The following LEKR1 variants were observed in gnomAD, a reference collection of about 807,000 sequenced individuals.
LEKR1 encodes leucine, glutamate and lysine rich 1.
LEKR1 carries 59 observed loss-of-function variants against 72.4 expected under a neutral mutation model. The ratio of observed to expected loss-of-function variants is 0.82; its 90% CI spans 0.66 to 1.01. LEKR1 has a LOEUF of 1.01. Among genes scored for constraint, LEKR1 ranks in the 50% least tolerant of loss-of-function variants. The pLI is 0.00. For missense variants in LEKR1, 728 were observed against 759.2 expected, an observed-to-expected ratio of 0.96 and a Z score of 0.48; for synonymous variants, 257 against 263.2, an observed-to-expected ratio of 0.98 and a Z score of 0.23.
intron 3 of LEKR1, among the ~76,000 whole-genome samples, chr3:156,858,217 G>A (rs1716307171): frequency 6.6e-6 from 1 of 152,064 alleles, no homozygotes; most frequent in Non-Finnish European, 1.5e-5. Context: ...CTTTCCTTGA[G>A]TAGTTTATTT....
chr3:156,881,248 AC>A (rs1321778955), intron 3 of LEKR1, among the ~76,000 whole-genome samples: 5 of 151,928 alleles, frequency 3.3e-5, no homozygotes, highest in Non-Finnish European at 7.4e-5. Context: ...TATCTAGAAA[AC>A]CCCATTGTCT....
At chr3:156,943,527 G>C (rs376185905) in intron 6 of LEKR1, among the ~76,000 whole-genome samples, 213 of 151,980 alleles carry the variant, frequency 1.4e-3, no homozygotes, top group African/African-American at 4.8e-3. Context: ...CTGGTACTAC[G>C]TTCCTAGTAA....
intron 3 of LEKR1, among the ~76,000 whole-genome samples, chr3:156,911,079 A>T (rs1020385685): frequency 6.6e-6 from 1 of 152,054 alleles, no homozygotes; most frequent in Non-Finnish European, 1.5e-5. Flanking sequence ...CATTCCTCTA[A>T]CGACTAGAGA....
intron 3 of LEKR1, among the ~76,000 whole-genome samples, chr3:156,903,996 T>TC (rs2108564805): frequency 6.6e-6 from 1 of 152,288 alleles, no homozygotes; most frequent in African/African-American, 2.4e-5. Context: ...AAGGGTTAAT[T>TC]CCCCACAGAA....
In LEKR1 at chr3:156,916,609, T is replaced by C. The variant is rs191960118; in HGVS notation, c.264-3966T>C. On this transcript the variant is annotated intron_variant, in intron 3 of 12. Coordinates refer to ENST00000356539, the MANE Select transcript of LEKR1 (RefSeq NM_001004316.3). ...GTGATTTTTGTATGTTGATTTTGTA[T>C]CCTGAAACTTTGCCAAAGCTGTTTA... Among the ~76,000 whole-genome samples the C allele has an allele frequency of 2.1e-3, 324 of 152,292 alleles. 1 individual carries two copies. The highest frequency in any genetic ancestry group is 7.5e-3 in the African/African-American group (312 of 41,570).
chr3:156,988,927 G>T (rs1260336260), intron 7 of LEKR1, among the ~76,000 whole-genome samples: 1 of 152,132 alleles, frequency 6.6e-6, no homozygotes, highest in East Asian at 1.9e-4. Flanking sequence ...CGCCTCCCGG[G>T]TTGACTCGAT....
intron 12 of LEKR1, 117 bp from the exon 13 acceptor site, chr3:157,045,223 C>A: frequency 1.3e-6 from 1 of 782,500 alleles, no homozygotes; most frequent in South Asian, 1.9e-5. Flanking sequence ...GTCATAGAGA[C>A]AAAGAATACA....
chr3:156,839,070 C>T (rs1234274238), intron 2 of LEKR1, among the ~76,000 whole-genome samples: 3 of 152,090 alleles, frequency 2.0e-5, no homozygotes, highest in Non-Finnish European at 4.4e-5. Flanking sequence ...GACGTGAGCA[C>T]CAGGATTTAA....
At chr3:156,993,488 C>T (rs1731304511) in intron 9 of LEKR1, among the ~76,000 whole-genome samples, 1 of 151,126 alleles carries the variant, frequency 6.6e-6, no homozygotes, top group Admixed American at 6.6e-5. Context: ...GGTAAAGTTG[C>T]AGTTGGTGAA....
Position 157,024,941 on chromosome 3 carries a change from T to A in LEKR1, c.1368+17T>A. 6.7e-7 allele frequency: 1 copy of A among 1,498,706 alleles called. No homozygotes were observed. Among genetic ancestry groups the A allele is most frequent in the Non-Finnish European group, 9.2e-7 (1 of 1,092,024 alleles). The allele number at this position is 1,498,706 out of a possible 1,614,324, so 92.8% of individuals were successfully genotyped here. A position where few individuals can be genotyped will look rare whatever the true frequency, so the allele number is the denominator to read the frequency against. Reference sequence around the variant, plus strand: ...CAAATGAAGGTCTGTAATTATGATGTTCATCATTATTTAATAGATTTGAAA... The same window carrying A: ...CAAATGAAGGTCTGTAATTATGATGATCATCATTATTTAATAGATTTGAAA... On this transcript the variant is annotated intron_variant, in intron 11 of 12. Coordinates refer to ENST00000356539, the MANE Select transcript of LEKR1 (RefSeq NM_001004316.3).
intron 6 of LEKR1, among the ~76,000 whole-genome samples, chr3:156,975,225 A>G (rs1729586083): frequency 6.6e-6 from 1 of 152,116 alleles, no homozygotes; most frequent in Admixed American, 6.6e-5. Flanking sequence ...CCTGTCACAG[A>G]CAAGTGTTGA....
At chr3:156,982,381 A>T (rs923324919) in intron 7 of LEKR1, among the ~76,000 whole-genome samples, 5 of 151,972 alleles carry the variant, frequency 3.3e-5, no homozygotes, top group African/African-American at 1.2e-4. Flanking sequence ...GCAGGAAGGG[A>T]TGGTTTTCTA....
At chr3:156,950,273 T>C (rs1381214623) in intron 6 of LEKR1, among the ~76,000 whole-genome samples, 3 of 151,672 alleles carry the variant, frequency 2.0e-5, no homozygotes, top group Non-Finnish European at 4.4e-5. Context: ...GATAATGTGA[T>C]GCCTGCAGCT....
intron 5 of LEKR1, among the ~76,000 whole-genome samples, chr3:156,935,119 A>T (rs964220697): frequency 6.6e-6 from 1 of 152,176 alleles, no homozygotes; most frequent in Non-Finnish European, 1.5e-5. Flanking sequence ...TTTATCAAAC[A>T]CGAAGAAATA....
intron 3 of LEKR1, among the ~76,000 whole-genome samples, chr3:156,874,868 A>G (rs1458334919): frequency 2.0e-5 from 3 of 152,120 alleles, no homozygotes; most frequent in Non-Finnish European, 4.4e-5. Flanking sequence ...CCATTATTTT[A>G]TTCCTTTTTA....
chr3:156,882,235 T>C (rs1237874340), intron 3 of LEKR1, among the ~76,000 whole-genome samples: 2 of 151,296 alleles, frequency 1.3e-5, no homozygotes, highest in African/African-American at 2.4e-5. Context: ...TGGGAGAAAA[T>C]TTTCGCAACC....
intron 9 of LEKR1, among the ~76,000 whole-genome samples, chr3:157,003,064 C>T (rs937436579): frequency 1.3e-5 from 2 of 152,196 alleles, no homozygotes; most frequent in Admixed American, 1.3e-4. Flanking sequence ...AATGTATTCA[C>T]AGGCACTATC....
chr3:156,991,921 G>A (rs1303805283), intron 7 of LEKR1, among the ~76,000 whole-genome samples: 2 of 152,100 alleles, frequency 1.3e-5, no homozygotes, highest in African/African-American at 4.8e-5. Context: ...AGAGAGTCTG[G>A]ATTCTGCTAT....
Position 157,011,513 on chromosome 3 carries a change from G to A in LEKR1, c.1203+7G>A, listed in dbSNP as rs773495522. ...TGATAACTGGAAGGAGAAGGTAATG[G>A]TAGTGTGGCTTTCATCAGCATGCAA... On this transcript the variant is annotated splice_region_variant and intron_variant, in intron 10 of 12. Transcript: ENST00000356539. The A allele has an allele frequency of 1.3e-6, 2 of 1,596,214 alleles. No individual in the cohort carries two copies. Among genetic ancestry groups the A allele is most frequent in the South Asian group, 1.1e-5 (1 of 90,696 alleles).
Sources: gnomAD v4.1 joint callset for allele counts (sites outside exome capture counted in the v4.1 genomes callset) on GRCh38, gnomAD v4.1.1 for gene constraint, MANE v1.5 for transcripts, NCBI Gene and HGNC (gene_info 2026-07-23, HGNC 2026-07-21) for gene names.